The following ARHGAP18 variants were observed in gnomAD, a reference collection of about 807,000 sequenced individuals.
The protein encoded by ARHGAP18 is rho GTPase-activating protein 18.
ARHGAP18 carries 67 observed loss-of-function variants against 86.2 expected under a neutral mutation model. That is an observed-to-expected ratio of 0.78 (90% CI 0.64 to 0.95). The LOEUF (loss-of-function observed/expected upper bound fraction) is 0.95. Ranked by LOEUF, ARHGAP18 falls within the 40% of genes least tolerant of loss-of-function variation. The pLI is 0.00. For synonymous variants in ARHGAP18, 283 were observed against 280.4 expected, an observed-to-expected ratio of 1.01 and a Z score of -0.09; for missense variants, 691 against 780.4, an observed-to-expected ratio of 0.89 and a Z score of 1.37.
chr6:129,625,385 ATATATTT>A (rs1359634962), intron 5 of ARHGAP18, among the ~76,000 whole-genome samples: 3 of 83,296 alleles, frequency 3.6e-5, no homozygotes, highest in Non-Finnish European at 3.9e-5. Flanking sequence ...ATTATATATT[ATATATTT>A]ATACATATGT....
intron 1 of ARHGAP18, among the ~76,000 whole-genome samples, chr6:129,696,887 T>C (rs1562728077): frequency 6.6e-6 from 1 of 152,116 alleles, no homozygotes; most frequent in Non-Finnish European, 1.5e-5. Flanking sequence ...TCACCAAAGA[T>C]AACCACAATC....
chr6:129,682,506 T>G (rs1413303869), intron 1 of ARHGAP18, among the ~76,000 whole-genome samples: 2 of 152,222 alleles, frequency 1.3e-5, no homozygotes, highest in African/African-American at 2.4e-5. Context: ...CATCTCCTCA[T>G]GGACAACTGG....
intron 1 of ARHGAP18, among the ~76,000 whole-genome samples, chr6:129,654,086 G>T (rs146627444): frequency 1.0e-3 from 158 of 152,204 alleles, no homozygotes; most frequent in African/African-American, 3.6e-3. Context: ...AGCATTTTCA[G>T]TAAAAGCCAC....
rs541941757 is a variant in ARHGAP18, at chr6:129,597,341, G to A, written c.1713+1875C>T. On this transcript the variant is annotated intron_variant, in intron 12 of 14. Coordinates refer to ENST00000368149, the MANE Select transcript of ARHGAP18 (RefSeq NM_033515.3). The stretch of plus-strand genomic sequence containing the variant: ...AGCAGAGATGAGGTTCCACTGTCTT[G>A]GCCAGGCTGGAGATGAGAATTTTTC... Among the ~76,000 whole-genome samples the A allele has an allele frequency of 3.9e-5, 6 of 152,062 alleles. No homozygotes were observed. In the South Asian group the frequency reaches 1.2e-3, roughly 32 times the overall value.
chr6:129,578,450 A>T lies in ARHGAP18; in HGVS notation c.*63T>A. ...GAGTCCTGCCATTTCTTTTATTTAC[A>T]CTCTTGACTCAGCAAGAATTATGAC... On this transcript the variant is annotated 3_prime_UTR_variant, in exon 15 of 15. Transcript: ENST00000368149. 7.5e-7 allele frequency: 1 copy of T among 1,325,340 alleles called. No individual in the cohort carries two copies. Among genetic ancestry groups the T allele is most frequent in the African/African-American group, 1.5e-5 (1 of 68,652 alleles). 82.1% of individuals were successfully genotyped at this position (1,325,340 alleles called of 1,614,324 possible). A position where few individuals can be genotyped will look rare whatever the true frequency, so the allele number is the denominator to read the frequency against.
intron 12 of ARHGAP18, 139 bp downstream of exon 12, chr6:129,599,077 C>A: frequency 1.5e-6 from 1 of 669,280 alleles, no homozygotes; most frequent in Non-Finnish European, 2.3e-6. Flanking sequence ...AAGACAGTTA[C>A]TGATGTCTTT....
chr6:129,579,206 A>T (rs969936978), intron 14 of ARHGAP18, among the ~76,000 whole-genome samples: 2 of 152,142 alleles, frequency 1.3e-5, no homozygotes, highest in African/African-American at 4.8e-5. Flanking sequence ...AAGAAACTAC[A>T]CTTAATTCCC....
At chr6:129,607,686 C>A (rs1788882412) in intron 9 of ARHGAP18, among the ~76,000 whole-genome samples, 1 of 152,200 alleles carries the variant, frequency 6.6e-6, no homozygotes, top group Non-Finnish European at 1.5e-5. Context: ...CCAAAGAGAA[C>A]ATTCTGTTAT....
At chr6:129,670,763 A>T (rs1402483528) in intron 1 of ARHGAP18, among the ~76,000 whole-genome samples, 1 of 149,836 alleles carries the variant, frequency 6.7e-6, no homozygotes, top group Non-Finnish European at 1.5e-5. Flanking sequence ...GAGCTGCCAA[A>T]TCACAATGCT....
In ARHGAP18 at chr6:129,605,954, G is replaced by C. The variant is rs1788844615; in HGVS notation, c.1288C>G (p.Pro430Ala). The part of the protein sequence containing the change: ...LKAFQAVQNL[P>A]TKKQQLQALN... ...GCCTGTAGTTGCTGCTTCTTGGTTG[G>C]AAGATCTGCAGACAAATTAAATAAA... is the stretch of plus-strand genomic sequence containing the variant. The change falls in exon 10 of 15, where the codon CCA becomes GCA. Residue 430 changes from proline to alanine, a missense_variant. Transcript: ENST00000368149. 2 of 1,613,218 alleles carry C rather than the reference G, an allele frequency of 1.2e-6. No homozygotes were observed. The highest frequency in any genetic ancestry group is 2.2e-5 in the South Asian group (2 of 91,070).
chr6:129,706,225 T>C (rs569937163), intron 1 of ARHGAP18, among the ~76,000 whole-genome samples: 14 of 152,232 alleles, frequency 9.2e-5, no homozygotes, highest in African/African-American at 3.4e-4. Flanking sequence ...TTCGAAAAAA[T>C]TCTTTTCAAA....
chr6:129,605,701 C>T (rs1484519664), intron 10 of ARHGAP18, among the ~76,000 whole-genome samples, 176 bp downstream of exon 10: 3 of 152,200 alleles, frequency 2.0e-5, no homozygotes, highest in South Asian at 4.1e-4. Flanking sequence ...ACATTAGTAA[C>T]ATAACAACCT....
chr6:129,591,684 C>A (rs369213627), intron 12 of ARHGAP18, among the ~76,000 whole-genome samples: 12 of 152,120 alleles, frequency 7.9e-5, no homozygotes, highest in East Asian at 3.9e-4. Context: ...AATGTCAGAC[C>A]GGTAAAAGAG....
chr6:129,605,986 C>T (rs1442896254), intron 9 of ARHGAP18, 27 bp from the exon 10 acceptor site: 3 of 1,596,878 alleles, frequency 1.9e-6, no homozygotes, highest in Non-Finnish European at 2.6e-6. Context: ...TAAATCTGAA[C>T]TCTTTTCTTC....
intron 4 of ARHGAP18, among the ~76,000 whole-genome samples, chr6:129,631,378 C>T (rs1773202641): frequency 6.7e-6 from 1 of 149,278 alleles, no homozygotes; most frequent in Admixed American, 6.8e-5. Context: ...CACACATTTC[C>T]TTCAAAAGCA....
At position 129,641,945 on chromosome 6, in the gene ARHGAP18, G is replaced by A. The variant is rs779596981; in HGVS notation, c.187C>T (p.Arg63Ter). 1.1e-5 allele frequency: 17 copies of A among 1,613,758 alleles called. No homozygotes were observed. The highest frequency in any genetic ancestry group is 1.4e-5 in the Non-Finnish European group (17 of 1,179,908). The change falls in exon 2 of 15, where the codon CGA becomes TGA. Residue 63 changes from arginine to a stop codon, truncating the protein, a stop_gained. Coordinates refer to ENST00000368149, the MANE Select transcript of ARHGAP18 (RefSeq NM_033515.3). LOFTEE classifies it high-confidence loss of function. ...IKVMEKPPFD[R>*]SISQDSLDEL... ...TCCAAAGAATCCTGGGAAATTGATC[G>A]ATCAAATGGAGGCTTCTCCATAACT...
At position 129,578,614 on chromosome 6, in the gene ARHGAP18, T is replaced by C. The variant is rs749209989; in HGVS notation, c.1901-10A>G. The C allele has an allele frequency of 3.5e-5, 56 of 1,604,518 alleles. No homozygotes were observed. The highest frequency in any genetic ancestry group is 4.3e-5 in the Non-Finnish European group (51 of 1,173,444). The stretch of plus-strand genomic sequence containing the variant: ...TCAAGGCAGCGTTCCCCTGTTAAAA[T>C]AGATGTTGTGTCAGTTTAATACAGC... On this transcript the variant is annotated splice_polypyrimidine_tract_variant and intron_variant, in intron 14 of 14. Coordinates refer to ENST00000368149, the MANE Select transcript of ARHGAP18 (RefSeq NM_033515.3).
At chr6:129,695,798 G>A (rs1774605560) in intron 1 of ARHGAP18, among the ~76,000 whole-genome samples, 1 of 149,028 alleles carries the variant, frequency 6.7e-6, no homozygotes, top group Non-Finnish European at 1.5e-5. Context: ...AAATATAAAC[G>A]TGTTCTTATC....
intron 1 of ARHGAP18, among the ~76,000 whole-genome samples, chr6:129,647,818 C>T (rs1290676108): frequency 6.6e-6 from 1 of 152,028 alleles, no homozygotes; most frequent in Non-Finnish European, 1.5e-5. Flanking sequence ...TAAACCTATC[C>T]CATTATTTTC....
Sources: gnomAD v4.1 joint callset for allele counts (sites outside exome capture counted in the v4.1 genomes callset) on GRCh38, gnomAD v4.1.1 for gene constraint, MANE v1.5 for transcripts, NCBI Gene and HGNC (gene_info 2026-07-23, HGNC 2026-07-21) for gene names.